PTPRD: variants seen among roughly 807,000 people sequenced by gnomAD.
PTPRD encodes receptor-type tyrosine-protein phosphatase delta.
PTPRD carries 34 observed loss-of-function variants against 214.5 expected under a neutral mutation model. The ratio of observed to expected loss-of-function variants is 0.16; its 90% CI spans 0.12 to 0.21. The LOEUF (loss-of-function observed/expected upper bound fraction) is 0.21. Among genes scored for constraint, PTPRD ranks in the 10% least tolerant of loss-of-function variants. The pLI is 1.00. For missense variants in PTPRD, 2,545 were observed against 2,398.7 expected, an observed-to-expected ratio of 1.06 and a Z score of -1.27; for synonymous variants, 1,128 against 845.7, an observed-to-expected ratio of 1.33 and a Z score of -5.79.
At chr9:9,282,684 A>C (rs1423452351) in intron 9 of PTPRD, among the ~76,000 whole-genome samples, 1 of 151,404 alleles carries the variant, frequency 6.6e-6, no homozygotes, top group African/African-American at 2.4e-5. Context: ...ACTACTTAGC[A>C]GTTCAAAGAG....
intron 14 of PTPRD, among the ~76,000 whole-genome samples, chr9:8,632,887 G>T (rs1415625535): frequency 6.6e-6 from 1 of 151,920 alleles, no homozygotes; most frequent in Non-Finnish European, 1.5e-5. Context: ...ATTGCTTAAG[G>T]AAAGTTCATC....
chr9:9,131,042 T>A (rs10977508), intron 10 of PTPRD, among the ~76,000 whole-genome samples: 4,872 of 152,176 alleles, frequency 0.032, 154 homozygotes, highest in African/African-American at 0.069. Flanking sequence ...ACAAATCCGG[T>A]GCTTTTGTAG....
chr9:9,286,654 C>G (rs767998494), intron 9 of PTPRD, among the ~76,000 whole-genome samples: 1 of 150,942 alleles, frequency 6.6e-6, no homozygotes, highest in Non-Finnish European at 1.5e-5. Context: ...CTAGTTAGTT[C>G]TTCCCTTTTT....
At chr9:8,400,641 A>G (rs2092228105) in intron 36 of PTPRD, among the ~76,000 whole-genome samples, 1 of 152,202 alleles carries the variant, frequency 6.6e-6, no homozygotes, top group African/African-American at 2.4e-5. Context: ...CCGGTAGGAA[A>G]GTGTTATGAG....
At chr9:9,908,056 T>A (rs1057137661) in intron 5 of PTPRD, among the ~76,000 whole-genome samples, 3 of 139,346 alleles carry the variant, frequency 2.2e-5, no homozygotes, top group Non-Finnish European at 4.7e-5. Flanking sequence ...TACACCAAGA[T>A]TAGGATAAAG....
intron 12 of PTPRD, among the ~76,000 whole-genome samples, chr9:8,725,932 G>C (rs909770214): frequency 5.3e-5 from 8 of 151,936 alleles, no homozygotes; most frequent in African/African-American, 1.9e-4. Flanking sequence ...TCTGAAGATA[G>C]ATTACAGGCT....
chr9:9,757,804 A>G (rs1023036257), intron 6 of PTPRD, among the ~76,000 whole-genome samples: 9 of 152,106 alleles, frequency 5.9e-5, no homozygotes, highest in African/African-American at 1.7e-4. Flanking sequence ...AAATATGTAT[A>G]TACTTTTAAC....
intron 5 of PTPRD, among the ~76,000 whole-genome samples, chr9:9,821,587 C>T (rs558847758): frequency 2.6e-5 from 4 of 152,172 alleles, no homozygotes; most frequent in East Asian, 3.9e-4. Flanking sequence ...ATTGCATAGG[C>T]TATTCTCTCT....
intron 39 of PTPRD, among the ~76,000 whole-genome samples, chr9:8,364,602 G>A (rs1047029393): frequency 3.9e-5 from 6 of 152,188 alleles, no homozygotes; most frequent in African/African-American, 1.4e-4. Flanking sequence ...CCAGAGCAGG[G>A]CCTGCCAAGA....
intron 4 of PTPRD, among the ~76,000 whole-genome samples, chr9:10,006,276 A>G (rs1023034729): frequency 6.6e-6 from 1 of 152,030 alleles, no homozygotes; most frequent in South Asian, 2.1e-4. Context: ...AGCATTTGAT[A>G]CAAGCCTTTG....
chr9:9,122,905 T>C (rs1354452989), intron 10 of PTPRD, among the ~76,000 whole-genome samples: 1 of 152,200 alleles, frequency 6.6e-6, no homozygotes, highest in African/African-American at 2.4e-5. Context: ...AAGGGTAACC[T>C]ACCACTATTA....
chr9:8,902,865 C>A (rs2098681344), intron 11 of PTPRD, among the ~76,000 whole-genome samples: 1 of 152,060 alleles, frequency 6.6e-6, no homozygotes, highest in Non-Finnish European at 1.5e-5. Context: ...CGAAGGTAAT[C>A]ATAATTTCTA....
intron 2 of PTPRD, among the ~76,000 whole-genome samples, chr9:10,397,691 G>A (rs987201063): frequency 2.0e-5 from 3 of 151,960 alleles, no homozygotes; most frequent in Non-Finnish European, 4.4e-5. Context: ...ATTTAGCACA[G>A]TAATATGCTG....
At chr9:10,444,459 G>T (rs1251698558) in intron 2 of PTPRD, among the ~76,000 whole-genome samples, 4 of 151,614 alleles carry the variant, frequency 2.6e-5, no homozygotes, top group Non-Finnish European at 5.9e-5. Flanking sequence ...ATATTAATGG[G>T]TAATTAATGT....
chr9:8,705,252 C>T (rs747320859), intron 12 of PTPRD, among the ~76,000 whole-genome samples: 22 of 152,080 alleles, frequency 1.4e-4, no homozygotes, highest in Non-Finnish European at 3.1e-4. Context: ...GAGATGGTCT[C>T]ACTTGTCACC....
chr9:8,487,572 C>G (rs1486131482), intron 27 of PTPRD, among the ~76,000 whole-genome samples: 1 of 151,876 alleles, frequency 6.6e-6, no homozygotes, highest in Non-Finnish European at 1.5e-5. Flanking sequence ...AATCCCAGCA[C>G]TTTGGGAAGC....
chr9:9,607,832 A>G (rs1266900658), intron 7 of PTPRD, among the ~76,000 whole-genome samples: 2 of 152,078 alleles, frequency 1.3e-5, no homozygotes, highest in African/African-American at 4.8e-5. Context: ...AAGAGCTTCA[A>G]GGGTAACCAA....
At chr9:10,246,686 A>G (rs1217012780) in intron 3 of PTPRD, among the ~76,000 whole-genome samples, 1 of 152,128 alleles carries the variant, frequency 6.6e-6, no homozygotes, top group African/African-American at 2.4e-5. Context: ...TTGAGGTTTT[A>G]GTTTGTGCCT....
chr9:9,177,990 T>A lies in PTPRD; in HGVS notation c.-143+5314A>T, dbSNP rs139305938. 2.0e-5 allele frequency among the ~76,000 whole-genome samples: 3 copies of A among 152,202 alleles called. No individual in the cohort carries two copies. The East Asian group carries it at 5.8e-4, about 29-fold the overall frequency. On this transcript the variant is annotated intron_variant, in intron 10 of 45. Transcript: ENST00000381196. ...GATGTGCTGGGAAAGAGAGATCAGATGATGAAATATCTGGAACCCATCTCA... is the reference window on the plus strand; with the variant it reads ...GATGTGCTGGGAAAGAGAGATCAGAAGATGAAATATCTGGAACCCATCTCA...
Sources: allele counts gnomAD v4.1 joint callset (sites outside exome capture counted in the v4.1 genomes callset), GRCh38; gene constraint gnomAD v4.1.1; transcripts MANE v1.5; gene names NCBI Gene and HGNC (gene_info 2026-07-23, HGNC 2026-07-21).